ZNF827: variants seen among roughly 807,000 people sequenced by gnomAD.
ZNF827 encodes the protein zinc finger protein 827.
In ZNF827, 13 loss-of-function variants were observed where a neutral mutation model predicts 102.4. The observed-to-expected ratio is 0.13, with a 90% CI of 0.08 to 0.20. ZNF827 has a LOEUF of 0.20. Among genes scored for constraint, ZNF827 ranks in the 10% least tolerant of loss-of-function variants. ZNF827 has a pLI of 1.00. For missense variants in ZNF827, 1,103 were observed against 1,344.4 expected, an observed-to-expected ratio of 0.82 and a Z score of 2.81; for synonymous variants, 523 against 536.2, an observed-to-expected ratio of 0.98 and a Z score of 0.34.
intron 5 of ZNF827, among the ~76,000 whole-genome samples, chr4:145,869,680 C>T (rs1748514854): frequency 1.3e-5 from 2 of 152,290 alleles, no homozygotes; most frequent in South Asian, 4.1e-4. Flanking sequence ...GCTGAGATTA[C>T]ATTTAGATGC....
intron 5 of ZNF827, among the ~76,000 whole-genome samples, chr4:145,850,565 A>G (rs1429186188): frequency 1.3e-5 from 2 of 148,756 alleles, no homozygotes; most frequent in African/African-American, 5.2e-5. Context: ...TTAGTCTGAA[A>G]CACATATTTG....
At chr4:145,834,117 G>A (rs1377936877) in intron 7 of ZNF827, among the ~76,000 whole-genome samples, 9 of 152,056 alleles carry the variant, frequency 5.9e-5, no homozygotes, top group African/African-American at 1.7e-4. Flanking sequence ...CTGCAATGCC[G>A]CTTGACCCCA....
rs571931263 is a variant in ZNF827 at position 145,762,847 on chromosome 4, T to C, written c.*17+243A>G. ...TCCACAAAGAATGCAGATGCAAAAGTGGCTGCCTCAGCTCTTGCTTGGCTC... is the reference window on the plus strand; with the variant it reads ...TCCACAAAGAATGCAGATGCAAAAGCGGCTGCCTCAGCTCTTGCTTGGCTC... On this transcript the variant is annotated intron_variant, in intron 14 of 14. Coordinates refer to ENST00000508784, the MANE Select transcript of ZNF827 (RefSeq NM_001306215.2). The surrounding 1 kb of genome is among the most constrained non-coding windows in gnomAD (Gnocchi z 4.9). Among the ~76,000 whole-genome samples, 47 of 152,350 alleles carry C rather than the reference T, an allele frequency of 3.1e-4. No homozygotes were observed. The highest frequency in any genetic ancestry group is 6.0e-4 in the Non-Finnish European group (41 of 68,032).
intron 1 of ZNF827, among the ~76,000 whole-genome samples, chr4:145,913,097 T>C (rs990062711): frequency 3.9e-5 from 6 of 152,126 alleles, no homozygotes; most frequent in African/African-American, 1.4e-4. Flanking sequence ...TTTGCTTATC[T>C]CTCAATTTTA....
chr4:145,846,938 G>A (rs953528255), intron 6 of ZNF827, among the ~76,000 whole-genome samples: 8 of 147,158 alleles, frequency 5.4e-5, no homozygotes, highest in Non-Finnish European at 1.2e-4. Context: ...TGGATCACCT[G>A]AGGTCAGGAG....
intron 1 of ZNF827, among the ~76,000 whole-genome samples, chr4:145,918,259 A>G (rs1752809248): frequency 7.0e-6 from 1 of 143,054 alleles, no homozygotes; most frequent in African/African-American, 2.6e-5. Flanking sequence ...GGGCACATAT[A>G]GTCTCTGTCC....
At chr4:145,836,048 G>A (rs545323032) in intron 7 of ZNF827, among the ~76,000 whole-genome samples, 19 of 151,544 alleles carry the variant, frequency 1.3e-4, no homozygotes, top group Non-Finnish European at 2.5e-4. Flanking sequence ...GCCTCTCTTC[G>A]CTTTCACTTG....
At chr4:145,904,600 A>C (rs1431922056) in intron 1 of ZNF827, among the ~76,000 whole-genome samples, 1 of 152,240 alleles carries the variant, frequency 6.6e-6, no homozygotes, top group African/African-American at 2.4e-5. Flanking sequence ...CCCATGGAAC[A>C]GCACTGAAGC....
At chr4:145,770,079 C>A (rs1736013274) in intron 11 of ZNF827, among the ~76,000 whole-genome samples, 1 of 152,116 alleles carries the variant, frequency 6.6e-6, no homozygotes, top group Non-Finnish European at 1.5e-5. Context: ...GGGTGAATTG[C>A]CTGAGGCCAG....
chr4:145,879,908 G>T (rs578192508), intron 4 of ZNF827, among the ~76,000 whole-genome samples: 1 of 152,260 alleles, frequency 6.6e-6, no homozygotes, highest in African/African-American at 2.4e-5. Flanking sequence ...CTGGGGAAGA[G>T]AATCCTGGAA....
chr4:145,764,437 TGCTCGTTG>T (rs1434019519), intron 13 of ZNF827, among the ~76,000 whole-genome samples: 1 of 152,232 alleles, frequency 6.6e-6, no homozygotes, highest in Non-Finnish European at 1.5e-5. Context: ...TTAAAGATGA[TGCTCGTTG>T]TCTAGATCTT....
chr4:145,770,709 T>C (rs2126912288), intron 11 of ZNF827, among the ~76,000 whole-genome samples: 1 of 152,358 alleles, frequency 6.6e-6, no homozygotes, highest in African/African-American at 2.4e-5. Context: ...TTTAAATGAT[T>C]GTATTATATC....
chr4:145,830,427 A>C (rs2126538447), intron 7 of ZNF827: 1 of 152,334 alleles, frequency 6.6e-6, no homozygotes, highest in South Asian at 2.1e-4. Flanking sequence ...GAGAAGCTGG[A>C]ATAGCTTACA....
At chr4:145,936,229 GCA>G (rs1037074261) in intron 1 of ZNF827, among the ~76,000 whole-genome samples, 2 of 151,190 alleles carry the variant, frequency 1.3e-5, no homozygotes, top group African/African-American at 4.9e-5. Context: ...CCATGTGCAC[GCA>G]CACTCTTCCA....
At chr4:145,879,121 G>GA (rs35989476) in intron 4 of ZNF827, among the ~76,000 whole-genome samples, 213 of 149,668 alleles carry the variant, frequency 1.4e-3, no homozygotes, top group African/African-American at 4.8e-3. Context: ...GCTCAACTGA[G>GA]AAAAAAAAAA....
chr4:145,919,353 T>C (rs752975608), intron 1 of ZNF827, among the ~76,000 whole-genome samples: 9 of 152,180 alleles, frequency 5.9e-5, no homozygotes, highest in Non-Finnish European at 1.2e-4. Flanking sequence ...CTTGTTCAGA[T>C]TTGTGGAAAT....
Position 145,885,606 on chromosome 4 carries a change from GAGAC to G in ZNF827, c.1747+68_1747+71del, listed in dbSNP as rs1461205160. 4.2e-6 allele frequency: 6 copies of G among 1,426,210 alleles called. 1 individual carries two copies. Among genetic ancestry groups the G allele is most frequent in the South Asian group, 3.1e-5 (2 of 64,784 alleles). The allele number at this position is 1,426,210 out of a possible 1,614,324, so 88.3% of individuals were successfully genotyped here. A position where few individuals can be genotyped will look rare whatever the true frequency, so the allele number is the denominator to read the frequency against. ...TTACAAATAAGAATACTGGTAGACA[GAGAC>G]AGAGAGAGAGAGAGAGAGAGAGAGA... On this transcript the variant is annotated intron_variant, in intron 4 of 14. Coordinates refer to ENST00000508784, the MANE Select transcript of ZNF827 (RefSeq NM_001306215.2).
At chr4:145,934,357 A>AAC (rs1467173751) in intron 1 of ZNF827, among the ~76,000 whole-genome samples, 1 of 152,168 alleles carries the variant, frequency 6.6e-6, no homozygotes, top group African/African-American at 2.4e-5. Context: ...CACAGACACA[A>AAC]ACACACACAC....
chr4:145,776,610 G>C (rs1312130205), intron 9 of ZNF827, among the ~76,000 whole-genome samples: 2 of 150,550 alleles, frequency 1.3e-5, no homozygotes, highest in Non-Finnish European at 3.0e-5. Flanking sequence ...GTGCATGTCT[G>C]TTTGTGTGTG....
Sources: allele counts gnomAD v4.1 joint callset (sites outside exome capture counted in the v4.1 genomes callset), GRCh38; gene constraint gnomAD v4.1.1; non-coding constraint Gnocchi (gnomAD v3.1); transcripts MANE v1.5; gene names NCBI Gene and HGNC (gene_info 2026-07-23, HGNC 2026-07-21).